CDC42SE2: variants seen among roughly 807,000 people sequenced by gnomAD.
CDC42SE2 encodes CDC42 small effector 2, also known as CDC42 small effector protein 2.
A neutral mutation model predicts 11.5 loss-of-function variants in CDC42SE2; 3 were observed. The ratio of observed to expected loss-of-function variants is 0.26; its 90% CI spans 0.12 to 0.67. The LOEUF (loss-of-function observed/expected upper bound fraction) is 0.67. Ranked by LOEUF, CDC42SE2 falls within the 30% of genes least tolerant of loss-of-function variation. The pLI, the probability that CDC42SE2 is intolerant of heterozygous loss-of-function variation, is 0.80. For missense variants in CDC42SE2, 82 were observed against 106.8 expected (o/e 0.77, Z 1.02); for synonymous variants, 33 against 34.8 (o/e 0.95, Z 0.18).
At chr5:131,253,751 G>A (rs148689004) in intron 1 of CDC42SE2, among the ~76,000 whole-genome samples, 3,168 of 152,146 alleles carry the variant, frequency 0.021, 64 homozygotes, top group South Asian at 0.096. Context: ...GGCAACAAGA[G>A]TGAAACTCTG....
chr5:131,367,145 A>G (rs1360500991), intron 3 of CDC42SE2, among the ~76,000 whole-genome samples: 3 of 151,756 alleles, frequency 2.0e-5, no homozygotes, highest in South Asian at 2.1e-4. Context: ...GTGTGTATAT[A>G]TATATCATGT....
chr5:131,331,695 A>G (rs1758422328), intron 2 of CDC42SE2, among the ~76,000 whole-genome samples: 1 of 152,220 alleles, frequency 6.6e-6, no homozygotes, highest in South Asian at 2.1e-4. Context: ...ATCCAAGAAT[A>G]CTGAATCTCT....
At chr5:131,352,439 G>A (rs1172099055) in intron 2 of CDC42SE2, among the ~76,000 whole-genome samples, 5 of 152,140 alleles carry the variant, frequency 3.3e-5, no homozygotes, top group African/African-American at 4.8e-5. Flanking sequence ...ATGTGAAAAA[G>A]AGTGCATGCT....
Position 131,268,514 on chromosome 5 carries a change from A to G in CDC42SE2, c.-455+4348A>G, listed in dbSNP as rs554096576. Among the ~76,000 whole-genome samples the G allele has an allele frequency of 1.7e-4, 25 of 148,770 alleles. No homozygotes were observed. The South Asian group carries it at 5.1e-3, about 31-fold the overall frequency. On this transcript the variant is annotated intron_variant, in intron 1 of 4. Coordinates refer to ENST00000505065, the MANE Select transcript of CDC42SE2 (RefSeq NM_001375635.1). Reference sequence around the variant, plus strand: ...GTTGCCCAGGGTGGAGTGAAATGGTACAATCTTGGCTCACTGCAACCTCCA... The same window carrying G: ...GTTGCCCAGGGTGGAGTGAAATGGTGCAATCTTGGCTCACTGCAACCTCCA...
At chr5:131,343,684 G>C (rs1236270798) in intron 2 of CDC42SE2, among the ~76,000 whole-genome samples, 1 of 150,096 alleles carries the variant, frequency 6.7e-6, no homozygotes, top group Admixed American at 6.6e-5. Context: ...TTGCATTCCA[G>C]CCTGGGCAAC....
chr5:131,232,021 T>C, the CDC42SE2 span, among the ~76,000 whole-genome samples: 1 of 151,898 alleles, frequency 6.6e-6, no homozygotes, highest in Non-Finnish European at 1.5e-5. Flanking sequence ...AACTCCTGAC[T>C]TCAAGTGATC....
the CDC42SE2 span, among the ~76,000 whole-genome samples, chr5:131,230,001 C>A: frequency 4.6e-5 from 7 of 152,178 alleles, no homozygotes; most frequent in African/African-American, 1.7e-4. Context: ...TTAACACTAT[C>A]ATTTTACCAT....
intron 3 of CDC42SE2, among the ~76,000 whole-genome samples, chr5:131,383,879 A>C (rs1750396247): frequency 1.3e-5 from 2 of 152,246 alleles, no homozygotes; most frequent in Admixed American, 6.5e-5. Context: ...AGGATAAAGC[A>C]GAGTTACTTT....
In CDC42SE2 at chr5:131,342,388, C is replaced by CTTTTT. The variant is rs35818778; in HGVS notation, c.-285-16806_-285-16802dup. On this transcript the variant is annotated intron_variant, in intron 2 of 4. Transcript: ENST00000505065. ...TCAGAGATTTGCCATTTTTAATAGT[C>CTTTTT]TTTTTTTTTTTTTTTTTTTAAGATA... 1.1e-3 allele frequency among the ~76,000 whole-genome samples: 118 copies of CTTTTT among 111,302 alleles called. 11 individuals are homozygous for CTTTTT. The highest frequency in any genetic ancestry group is 5.0e-3 in the African/African-American group (112 of 22,564). 73.0% of individuals were successfully genotyped at this position (111,302 alleles called of 152,430 possible). A position where few individuals can be genotyped will look rare whatever the true frequency, so the allele number is the denominator to read the frequency against.
chr5:131,327,703 G>A (rs1366157598), intron 2 of CDC42SE2, among the ~76,000 whole-genome samples: 2 of 152,164 alleles, frequency 1.3e-5, no homozygotes, highest in East Asian at 3.8e-4. Flanking sequence ...AAACTGGTAT[G>A]AGGCTACTTA....
intron 2 of CDC42SE2, among the ~76,000 whole-genome samples, chr5:131,332,281 T>A (rs915286067): frequency 6.6e-6 from 1 of 152,216 alleles, no homozygotes; most frequent in African/African-American, 2.4e-5. Context: ...TCCATGTCCC[T>A]ACAAAGGACA....
intron 1 of CDC42SE2, among the ~76,000 whole-genome samples, chr5:131,303,291 AGAAAG>A (rs1757719386): frequency 6.6e-6 from 1 of 152,240 alleles, no homozygotes; most frequent in South Asian, 2.1e-4. Flanking sequence ...TTTGAGAAGA[AGAAAG>A]GAATTGGTAT....
At chr5:131,276,515 GATA>G (rs961739376) in intron 1 of CDC42SE2, among the ~76,000 whole-genome samples, 3 of 151,982 alleles carry the variant, frequency 2.0e-5, no homozygotes, top group Non-Finnish European at 2.9e-5. Flanking sequence ...GAATTAAAGA[GATA>G]ATGTTTGTGT....
upstream of CDC42SE2, among the ~76,000 whole-genome samples, chr5:131,244,652 A>G (rs141426197): frequency 3.0e-3 from 460 of 152,306 alleles, 3 homozygotes; most frequent in African/African-American, 0.011. Context: ...CAGAAGTTGC[A>G]GTGAGCTGAG....
At chr5:131,342,386 G>GTTTTTTTTTTTTTTTTTTTTTT (rs1304028910) in intron 2 of CDC42SE2, among the ~76,000 whole-genome samples, 2 of 114,852 alleles carry the variant, frequency 1.7e-5, no homozygotes, top group African/African-American at 5.8e-5. Context: ...ATTTTTAATA[G>GTTTTTTTTTTTTTTTTTTTTTT]TCTTTTTTTT....
intron 2 of CDC42SE2, among the ~76,000 whole-genome samples, chr5:131,355,588 T>C (rs1331315675): frequency 6.6e-6 from 1 of 152,256 alleles, no homozygotes; most frequent in Non-Finnish European, 1.5e-5. Context: ...TTCTAAAAAA[T>C]TAGTGCTATA....
intron 1 of CDC42SE2, among the ~76,000 whole-genome samples, chr5:131,314,717 T>A (rs896733026): frequency 6.6e-6 from 1 of 152,190 alleles, no homozygotes; most frequent in Admixed American, 6.5e-5. Flanking sequence ...CACTGTCAGT[T>A]TAGAGTTGAA....
chr5:131,342,745 C>T (rs1375638069), intron 2 of CDC42SE2, among the ~76,000 whole-genome samples: 2 of 151,392 alleles, frequency 1.3e-5, no homozygotes, highest in African/African-American at 2.4e-5. Context: ...TAGATTCTCG[C>T]TCTATTACTC....
At chr5:131,345,107 A>G (rs986395427) in intron 2 of CDC42SE2, among the ~76,000 whole-genome samples, 3 of 152,222 alleles carry the variant, frequency 2.0e-5, no homozygotes, top group South Asian at 2.1e-4. Flanking sequence ...TTCCAAAGGA[A>G]TGCAACTCCT....
Sources: gnomAD v4.1 joint callset for allele counts (sites outside exome capture counted in the v4.1 genomes callset) on GRCh38, gnomAD v4.1.1 for gene constraint, MANE v1.5 for transcripts, NCBI Gene and HGNC (gene_info 2026-07-23, HGNC 2026-07-21) for gene names.